TCERG1L: variants seen among roughly 807,000 people sequenced by gnomAD.
TCERG1L encodes transcription elongation regulator 1-like protein.
Under a neutral mutation model 56.3 loss-of-function variants are expected in TCERG1L, and 37 were observed. The ratio of observed to expected loss-of-function variants is 0.66; its 90% CI spans 0.51 to 0.87. The LOEUF is 0.87. TCERG1L is among the 40% of genes least tolerant of loss of function. The pLI, the probability that TCERG1L is intolerant of heterozygous loss-of-function variation, is 0.00. For synonymous variants in TCERG1L, 324 were observed against 326.3 expected, an observed-to-expected ratio of 0.99 and a Z score of 0.08; for missense variants, 799 against 774.2, an observed-to-expected ratio of 1.03 and a Z score of -0.38.
At chr10:131,173,754 G>A (rs2133443293) in intron 4 of TCERG1L, among the ~76,000 whole-genome samples, 1 of 152,352 alleles carries the variant, frequency 6.6e-6, no homozygotes, top group Non-Finnish European at 1.5e-5. Context: ...TGGGAGCAGA[G>A]AGGCACGGCC....
intron 4 of TCERG1L, among the ~76,000 whole-genome samples, chr10:131,197,570 G>A (rs527529313): frequency 4.6e-5 from 7 of 152,008 alleles, no homozygotes; most frequent in African/African-American, 9.7e-5. Context: ...AGCCATGATC[G>A]AGCATCAGAA....
At chr10:131,190,197 A>G (rs1845289107) in intron 4 of TCERG1L, among the ~76,000 whole-genome samples, 1 of 152,192 alleles carries the variant, frequency 6.6e-6, no homozygotes. Flanking sequence ...ATTTCTGGAA[A>G]CATACAACCC....
chr10:131,163,196 C>T lies in TCERG1L; in HGVS notation c.960G>A (p.Met320Ile), dbSNP rs1845995839. ...GDKEDKEPPP[M>I]LGGGEDSTAR... ...CTGTGCTGTCCTCTCCTCCCCCCAG[C>T]ATCGGTGGAGGCTCCTTTCAACAGA... The change falls in exon 6 of 12, where the codon ATG becomes ATA. Residue 320 changes from methionine to isoleucine, a missense_variant. Transcript: ENST00000368642. The T allele has an allele frequency of 5.8e-6, 9 of 1,554,028 alleles. No individual in the cohort carries two copies. Among genetic ancestry groups the T allele is most frequent in the Non-Finnish European group, 7.8e-6 (9 of 1,149,606 alleles).
At chr10:131,182,061 ATC>A (rs1467246610) in intron 4 of TCERG1L, among the ~76,000 whole-genome samples, 1 of 152,076 alleles carries the variant, frequency 6.6e-6, no homozygotes, top group Non-Finnish European at 1.5e-5. Flanking sequence ...TGTACACAGC[ATC>A]TGTGTGTGTG....
chr10:131,304,979 T>C (rs1342792714), intron 3 of TCERG1L, among the ~76,000 whole-genome samples: 2 of 152,110 alleles, frequency 1.3e-5, no homozygotes, highest in African/African-American at 2.4e-5. Flanking sequence ...CTACTTGGAA[T>C]TGCCTGATTA....
intron 10 of TCERG1L, 148 bp downstream of exon 10, chr10:131,104,117 A>G: frequency 1.7e-6 from 1 of 585,926 alleles, no homozygotes; most frequent in Non-Finnish European, 3.1e-6. Context: ...AGTCCCTCTA[A>G]CTCTTTTGTT....
Position 131,260,191 on chromosome 10 carries a change from T to C in TCERG1L, c.856+68A>G, listed in dbSNP as rs1347815048. 3.1e-6 allele frequency: 4 copies of C among 1,271,582 alleles called. No individual in the cohort carries two copies. Among genetic ancestry groups the C allele is most frequent in the Non-Finnish European group, 4.0e-6 (4 of 1,007,396 alleles). The allele number at this position is 1,271,582 out of a possible 1,614,324, so 78.8% of individuals were successfully genotyped here. On this transcript the variant is annotated intron_variant, in intron 4 of 11. Coordinates refer to ENST00000368642, the MANE Select transcript of TCERG1L (RefSeq NM_174937.4). The surrounding 1 kb of genome is among the most constrained non-coding windows in gnomAD (Gnocchi z 5.8). Reference sequence around the variant, plus strand: ...AGCGCCTGGGCCCAGGCCAGGGGCATCTAACCAGGAAGCCTCCGCGCGCTC... The same window carrying C: ...AGCGCCTGGGCCCAGGCCAGGGGCACCTAACCAGGAAGCCTCCGCGCGCTC...
chr10:131,270,875 T>TC (rs1846332629), intron 3 of TCERG1L, among the ~76,000 whole-genome samples: 1 of 152,134 alleles, frequency 6.6e-6, no homozygotes. Flanking sequence ...CTGGCCTGAA[T>TC]CCCACCCTGC....
Position 131,234,782 on chromosome 10 carries a change from C to T in TCERG1L, c.856+25477G>A, listed in dbSNP as rs11817331. ...CCAGTAGCGTGATCTTGGCTCACCG[C>T]CACCTCCGCCTCCTGGGTTCAAGTG... On this transcript the variant is annotated intron_variant, in intron 4 of 11. Transcript: ENST00000368642. Among the ~76,000 whole-genome samples, 350 of 152,348 alleles carry T rather than the reference C, an allele frequency of 2.3e-3. 3 individuals are homozygous for T. The highest frequency in any genetic ancestry group is 7.9e-3 in the African/African-American group (329 of 41,574).
chr10:131,278,689 C>A (rs537067839), intron 3 of TCERG1L, among the ~76,000 whole-genome samples: 1 of 152,154 alleles, frequency 6.6e-6, no homozygotes, highest in Non-Finnish European at 1.5e-5. Context: ...TCTTCCCTGC[C>A]GCGGAGTCAC....
At chr10:131,129,855 G>T (rs988221730) in intron 8 of TCERG1L, among the ~76,000 whole-genome samples, 1 of 152,168 alleles carries the variant, frequency 6.6e-6, no homozygotes, top group East Asian at 1.9e-4. Flanking sequence ...CAATCTTGGC[G>T]GAAGTTGAAG....
chr10:131,181,546 G>T (rs535065729), intron 4 of TCERG1L, among the ~76,000 whole-genome samples: 1 of 152,382 alleles, frequency 6.6e-6, no homozygotes, highest in East Asian at 1.9e-4. Context: ...GCCATGCACA[G>T]GTGTGCCCCT....
chr10:131,129,551 C>T (rs1845596921), intron 8 of TCERG1L, among the ~76,000 whole-genome samples: 1 of 152,150 alleles, frequency 6.6e-6, no homozygotes, highest in Non-Finnish European at 1.5e-5. Flanking sequence ...AACAATTACT[C>T]CTTAATTGGG....
intron 6 of TCERG1L, among the ~76,000 whole-genome samples, chr10:131,147,257 G>C (rs1845806295): frequency 6.6e-6 from 1 of 152,110 alleles, no homozygotes; most frequent in Non-Finnish European, 1.5e-5. Flanking sequence ...CATCTAAAAG[G>C]AATTATGTGC....
chr10:131,177,151 T>A (rs1456465033), intron 4 of TCERG1L, among the ~76,000 whole-genome samples: 1 of 148,830 alleles, frequency 6.7e-6, no homozygotes, highest in Non-Finnish European at 1.5e-5. Flanking sequence ...CAGACACGTG[T>A]ACACACAGAG....
At chr10:131,139,809 T>C (rs1845716032) in intron 7 of TCERG1L, among the ~76,000 whole-genome samples, 1 of 151,834 alleles carries the variant, frequency 6.6e-6, no homozygotes, top group African/African-American at 2.4e-5. Context: ...TGTGTGCGTA[T>C]ATGTGTGTGT....
Position 131,172,578 on chromosome 10 carries a change from C to A in TCERG1L, c.857-5693G>T, listed in dbSNP as rs1221758073. 2.0e-5 allele frequency among the ~76,000 whole-genome samples: 3 copies of A among 152,248 alleles called. No individual in the cohort carries two copies. The East Asian group carries it at 5.8e-4, about 29-fold the overall frequency. On this transcript the variant is annotated intron_variant, in intron 4 of 11. Coordinates refer to ENST00000368642, the MANE Select transcript of TCERG1L (RefSeq NM_174937.4). ...ATGAAAAGGGTTCATGAGGAGCATC[C>A]ATATCACGCGTGCTCCACGCGCGCT...
intron 9 of TCERG1L, among the ~76,000 whole-genome samples, chr10:131,108,660 C>T (rs1016779025): frequency 6.6e-6 from 1 of 152,198 alleles, no homozygotes; most frequent in African/African-American, 2.4e-5. Context: ...AGCACCACCT[C>T]GGATCACTCC....
chr10:131,109,074 G>A (rs761486676), intron 9 of TCERG1L, among the ~76,000 whole-genome samples: 1 of 143,482 alleles, frequency 7.0e-6, no homozygotes, highest in Non-Finnish European at 1.5e-5. Context: ...GTTGTGGGGT[G>A]GGGGGGGTGG....
Sources: allele counts gnomAD v4.1 joint callset (sites outside exome capture counted in the v4.1 genomes callset), GRCh38; gene constraint gnomAD v4.1.1; non-coding constraint Gnocchi (gnomAD v3.1); transcripts MANE v1.5; gene names NCBI Gene and HGNC (gene_info 2026-07-23, HGNC 2026-07-21).